Variants in CLASP1 observed in about 807,000 individuals in gnomAD.
The protein encoded by CLASP1 is cytoplasmic linker associated protein 1.
CLASP1 carries 38 observed loss-of-function variants against 192.3 expected under a neutral mutation model. The ratio of observed to expected loss-of-function variants is 0.20; its 90% CI spans 0.15 to 0.26. The LOEUF (loss-of-function observed/expected upper bound fraction) is 0.26. Ranked by LOEUF, CLASP1 falls within the 10% of genes least tolerant of loss-of-function variation. The pLI, the probability that CLASP1 is intolerant of heterozygous loss-of-function variation, is 1.00. For synonymous variants in CLASP1, 691 were observed against 712.8 expected, an observed-to-expected ratio of 0.97 and a Z score of 0.49; for missense variants, 1,433 against 1,932.5, an observed-to-expected ratio of 0.74 and a Z score of 4.85.
At chr2:121,612,195 G>A (rs1171555348) in intron 1 of CLASP1, among the ~76,000 whole-genome samples, 3 of 150,456 alleles carry the variant, frequency 2.0e-5, no homozygotes, top group Non-Finnish European at 4.4e-5. Context: ...AGGAGGAGGA[G>A]TTACAGGCAG....
At chr2:121,387,136 C>T in exon 32 of CLASP1, 1 of 1,613,582 alleles carries the variant, frequency 6.2e-7, no homozygotes, top group Non-Finnish European at 8.5e-7. Flanking sequence ...GAGACAGACC[C>T]CCATGGGAAC....
intron 34 of CLASP1, among the ~76,000 whole-genome samples, chr2:121,372,545 A>AG (rs1365463293): frequency 6.6e-6 from 1 of 152,236 alleles, no homozygotes; most frequent in Non-Finnish European, 1.5e-5. Flanking sequence ...CATGTATTCA[A>AG]AAGAGAATTC....
intron 19 of CLASP1, among the ~76,000 whole-genome samples, chr2:121,442,331 G>A (rs371618975): frequency 1.3e-5 from 2 of 152,100 alleles, no homozygotes; most frequent in South Asian, 2.1e-4. Context: ...TTAGTTTTTC[G>A]TTCTTTACAA....
chr2:121,577,725 A>C (rs2060664699), intron 2 of CLASP1, among the ~76,000 whole-genome samples: 1 of 152,202 alleles, frequency 6.6e-6, no homozygotes, highest in South Asian at 2.1e-4. Context: ...TGGTGATTTA[A>C]TGAATAAAAT....
chr2:121,497,809 TC>T (rs2093593134), intron 8 of CLASP1, among the ~76,000 whole-genome samples: 1 of 152,058 alleles, frequency 6.6e-6, no homozygotes, highest in Admixed American at 6.6e-5. Flanking sequence ...AACCTCCACC[TC>T]CCAGGTTCAA....
At chr2:121,384,757 T>C (rs1317180243) in intron 32 of CLASP1, among the ~76,000 whole-genome samples, 1 of 152,150 alleles carries the variant, frequency 6.6e-6, no homozygotes, top group Non-Finnish European at 1.5e-5. Context: ...GGTGTACACC[T>C]GTAGTCCCAG....
At chr2:121,524,280 C>A (rs1011512600) in intron 6 of CLASP1, among the ~76,000 whole-genome samples, 1 of 151,864 alleles carries the variant, frequency 6.6e-6, no homozygotes, top group African/African-American at 2.4e-5. Flanking sequence ...ATTTTTCCCA[C>A]GGAAAACAAA....
chr2:121,357,164 G>A (rs1281149856), intron 37 of CLASP1, among the ~76,000 whole-genome samples: 1 of 152,118 alleles, frequency 6.6e-6, no homozygotes, highest in East Asian at 1.9e-4. Context: ...AATACAAGTC[G>A]TATTTTTGAC....
intron 8 of CLASP1, among the ~76,000 whole-genome samples, chr2:121,474,731 G>A (rs113761726): frequency 1.5e-3 from 231 of 152,182 alleles, no homozygotes; most frequent in African/African-American, 5.2e-3. Context: ...GCGAGACTCC[G>A]TTTCAAATAA....
chr2:121,550,612 C>G (rs1254280753), intron 2 of CLASP1, among the ~76,000 whole-genome samples: 1 of 152,110 alleles, frequency 6.6e-6, no homozygotes, highest in Admixed American at 6.5e-5. Flanking sequence ...ACTATGCACA[C>G]CTCTATGCAC....
In CLASP1 at chr2:121,572,144, T is replaced by C. The variant is rs183063600; in HGVS notation, c.195+33557A>G. On this transcript the variant is annotated intron_variant, in intron 2 of 39. Transcript: ENST00000263710. The stretch of plus-strand genomic sequence containing the variant: ...CAGGTAGACACTTCAGATAAAATAA[T>C]AGGGCCAGGCGCAGTGGCTCATGCC... Among the ~76,000 whole-genome samples, 35 of 152,224 alleles carry C rather than the reference T, an allele frequency of 2.3e-4. No individual in the cohort carries two copies. The East Asian group carries it at 5.6e-3, about 24-fold the overall frequency.
intron 19 of CLASP1, among the ~76,000 whole-genome samples, chr2:121,444,008 TA>T (rs1276045817): frequency 6.6e-6 from 1 of 152,208 alleles, no homozygotes; most frequent in African/African-American, 2.4e-5. Context: ...AATTGTTAAG[TA>T]AATATCCTGA....
chr2:121,568,263 G>A (rs1404277853), intron 2 of CLASP1, among the ~76,000 whole-genome samples: 1 of 151,950 alleles, frequency 6.6e-6, no homozygotes, highest in Non-Finnish European at 1.5e-5. Flanking sequence ...TGCTAAGCAG[G>A]GGTCAAAGAG....
chr2:121,465,595 C>A (rs1449116736), intron 9 of CLASP1, among the ~76,000 whole-genome samples: 1 of 152,090 alleles, frequency 6.6e-6, no homozygotes, highest in Non-Finnish European at 1.5e-5. Context: ...GCCATACTGC[C>A]CAAGGTAATT....
intron 19 of CLASP1, among the ~76,000 whole-genome samples, chr2:121,430,976 T>TA (rs34189269): frequency 0.14 from 19,076 of 140,250 alleles, 1,709 homozygotes; most frequent in African/African-American, 0.26. Context: ...GATTAAACTT[T>TA]AAAAAAAAAA....
chr2:121,452,248 A>G (rs888567296), intron 14 of CLASP1, among the ~76,000 whole-genome samples: 3 of 152,208 alleles, frequency 2.0e-5, no homozygotes, highest in Non-Finnish European at 4.4e-5. Context: ...ATTTCGGAGA[A>G]TGCTTTGCAC....
intron 1 of CLASP1, among the ~76,000 whole-genome samples, chr2:121,622,779 C>A (rs2067604686): frequency 6.6e-6 from 1 of 152,106 alleles, no homozygotes; most frequent in African/African-American, 2.4e-5. Context: ...ATAGTGCATT[C>A]CTTAGGATGT....
intron 1 of CLASP1, among the ~76,000 whole-genome samples, chr2:121,621,456 T>C (rs1020075398): frequency 4.6e-5 from 7 of 152,172 alleles, no homozygotes; most frequent in Middle Eastern, 3.2e-3. Flanking sequence ...TTTCAGATCT[T>C]ACATTTAGGT....
exon 40 of CLASP1, chr2:121,338,221 AG>A (rs1416614880): frequency 6.6e-6 from 1 of 152,268 alleles, no homozygotes; most frequent in African/African-American, 2.4e-5. Context: ...TTACCTGCAC[AG>A]GGTGGTAAGC....
Sources: allele counts gnomAD v4.1 joint callset (sites outside exome capture counted in the v4.1 genomes callset), GRCh38; gene constraint gnomAD v4.1.1; transcripts MANE v1.5; gene names NCBI Gene and HGNC (gene_info 2026-07-23, HGNC 2026-07-21).